The following TLN2 variants were observed in gnomAD, a reference collection of about 807,000 sequenced individuals.
TLN2 encodes the protein talin 2, also known as talin-2.
TLN2 carries 118 observed loss-of-function variants against 294.7 expected under a neutral mutation model. The observed-to-expected ratio is 0.40, with a 90% CI of 0.34 to 0.47. TLN2 has a LOEUF of 0.47. Ranked by LOEUF, TLN2 falls within the 20% of genes least tolerant of loss-of-function variation. The probability of loss-of-function intolerance (pLI) is 0.84; values close to 1 mark genes in which losing one functional copy is unlikely to be tolerated. For synonymous variants in TLN2, 1,431 were observed against 1,304.5 expected (o/e 1.10, Z -2.09); for missense variants, 3,083 against 3,282.2 (o/e 0.94, Z 1.48).
Position 62,763,701 on chromosome 15 carries a change from C to T in TLN2, c.5094+6C>T. 6.3e-7 allele frequency: 1 copy of T among 1,597,314 alleles called. No homozygotes were observed. The highest frequency in any genetic ancestry group is 1.1e-5 in the South Asian group (1 of 89,284). On this transcript the variant is annotated splice_donor_region_variant and intron_variant, in intron 40 of 58. Transcript: ENST00000636159. ...GGGACGACATCTCTGTGGAGGTAAGCTGGGAATCTGGGGGCCTGCTTAGTC... is the reference window on the plus strand; with the variant it reads ...GGGACGACATCTCTGTGGAGGTAAGTTGGGAATCTGGGGGCCTGCTTAGTC...
intron 1 of TLN2, among the ~76,000 whole-genome samples, chr15:62,477,272 C>A (rs982908190): frequency 6.6e-6 from 1 of 152,216 alleles, no homozygotes; most frequent in Non-Finnish European, 1.5e-5. Flanking sequence ...TAACAAGATA[C>A]AGGTGATGCT....
intron 37 of TLN2, among the ~76,000 whole-genome samples, chr15:62,756,359 A>C (rs974317144): frequency 2.6e-5 from 4 of 152,162 alleles, no homozygotes; most frequent in African/African-American, 9.7e-5. Flanking sequence ...TAGTACTTGT[A>C]GGTGGGCGAT....
chr15:62,795,912 CTG>C (rs1345184308), intron 46 of TLN2, among the ~76,000 whole-genome samples: 2 of 152,276 alleles, frequency 1.3e-5, no homozygotes, highest in East Asian at 3.9e-4. Context: ...GATGAGGAAA[CTG>C]AGGTTTGGAG....
intron 54 of TLN2, among the ~76,000 whole-genome samples, chr15:62,825,868 T>A (rs28477863): frequency 0.016 from 1,384 of 85,492 alleles, 24 homozygotes; most frequent in Non-Finnish European, 0.024. Flanking sequence ...ATATATATAT[T>A]TATATATATA....
chr15:62,824,828 G>A, intron 54 of TLN2, among the ~76,000 whole-genome samples: 1 of 152,210 alleles, frequency 6.6e-6, no homozygotes, highest in East Asian at 1.9e-4. Context: ...AAGTATGTGT[G>A]AGTTCATTCT....
At chr15:62,728,511 C>CA (rs1189437694) in intron 28 of TLN2, among the ~76,000 whole-genome samples, 23 of 152,166 alleles carry the variant, frequency 1.5e-4, no homozygotes, top group African/African-American at 4.8e-4. Flanking sequence ...GTGTTCAGTA[C>CA]ATTTCTTTCA....
At position 62,503,280 on chromosome 15, in the gene TLN2, G is replaced by T. The variant is rs891695421; in HGVS notation, c.-237-86407G>T. On this transcript the variant is annotated intron_variant, in intron 1 of 58. Coordinates refer to ENST00000636159, the MANE Select transcript of TLN2 (RefSeq NM_015059.3). ...CAATGCACCTACCCTCCTAGGAAGT[G>T]GCCATCAGTCCTGTGTCACCAGCAC... 2.0e-5 allele frequency among the ~76,000 whole-genome samples: 3 copies of T among 152,166 alleles called. No homozygotes were observed. The East Asian group carries it at 5.8e-4, about 29-fold the overall frequency.
At chr15:62,746,672 A>G (rs986397181) in intron 32 of TLN2, among the ~76,000 whole-genome samples, 4 of 152,216 alleles carry the variant, frequency 2.6e-5, no homozygotes, top group African/African-American at 9.6e-5. Flanking sequence ...GGCATCTTTT[A>G]TATTAGTGTT....
chr15:62,818,323 A>T (rs2067278941), intron 52 of TLN2, among the ~76,000 whole-genome samples: 1 of 152,186 alleles, frequency 6.6e-6, no homozygotes, highest in Non-Finnish European at 1.5e-5. Context: ...AACATTTCTA[A>T]ATCTGAAGAT....
chr15:62,624,368 C>T (rs2049087406), intron 3 of TLN2, among the ~76,000 whole-genome samples: 1 of 152,184 alleles, frequency 6.6e-6, no homozygotes, highest in African/African-American at 2.4e-5. Flanking sequence ...GAGTAAACCT[C>T]CACTGCCCTT....
At chr15:62,522,960 ACACACACACACACACACACT>A (rs1053271260) in intron 1 of TLN2, among the ~76,000 whole-genome samples, 3 of 139,938 alleles carry the variant, frequency 2.1e-5, no homozygotes, top group African/African-American at 9.1e-5. Flanking sequence ...ACACACACAC[ACACACACACACACACACACT>A]CTCTCACTCA....
chr15:62,598,273 C>T (rs980848441), intron 2 of TLN2, among the ~76,000 whole-genome samples: 1 of 152,148 alleles, frequency 6.6e-6, no homozygotes, highest in Non-Finnish European at 1.5e-5. Context: ...AGGCTGAGAG[C>T]GTGGTGGTCG....
intron 39 of TLN2, among the ~76,000 whole-genome samples, chr15:62,762,722 T>C (rs2062752163): frequency 6.6e-6 from 1 of 152,244 alleles, no homozygotes; most frequent in Non-Finnish European, 1.5e-5. Flanking sequence ...ATTTCCATTG[T>C]ACTGATGAAA....
chr15:62,805,471 G>T (rs1480496937), intron 50 of TLN2, 129 bp from the exon 51 acceptor site: 9 of 965,502 alleles, frequency 9.3e-6, no homozygotes, highest in African/African-American at 1.7e-5. Context: ...TTCTAATTTC[G>T]CCATGTGACA....
At chr15:62,581,307 A>G (rs1259036304) in intron 1 of TLN2, among the ~76,000 whole-genome samples, 3 of 152,192 alleles carry the variant, frequency 2.0e-5, no homozygotes, top group Admixed American at 1.3e-4. Flanking sequence ...AATTTCCTCC[A>G]TGTCTTTTCA....
In TLN2 at chr15:62,693,947, TTTTC is replaced by T. The variant is rs1161896479; in HGVS notation, c.1216-361_1216-358del. ...AGGTCCTTGTATGAAGACCTGCTGA[TTTTC>T]TTTCTTTTTTTTTTTTTTTTTTTTT... On this transcript the variant is annotated intron_variant, in intron 13 of 58. Coordinates refer to ENST00000636159, the MANE Select transcript of TLN2 (RefSeq NM_015059.3). Among the ~76,000 whole-genome samples the T allele has an allele frequency of 1.3e-4, 17 of 134,894 alleles. No homozygotes were observed. The South Asian group carries it at 2.9e-3, about 23-fold the overall frequency. 88.5% of individuals were successfully genotyped at this position (134,894 alleles called of 152,430 possible). A position where few individuals can be genotyped will look rare whatever the true frequency, so the allele number is the denominator to read the frequency against.
At position 62,681,115 on chromosome 15, in the gene TLN2, C is replaced by CA. The variant is rs201160520; in HGVS notation, c.958-5523dup. 2.4e-4 allele frequency among the ~76,000 whole-genome samples: 36 copies of CA among 152,254 alleles called. No individual in the cohort carries two copies. In the East Asian group the frequency reaches 6.7e-3, roughly 29 times the overall value. ...ATACCCAGTAGTGGGATTGCTGGAT[C>CA]AAATGGTAGATCTGCTTTTAGCTTT... On this transcript the variant is annotated intron_variant, in intron 11 of 58. Coordinates refer to ENST00000636159, the MANE Select transcript of TLN2 (RefSeq NM_015059.3).
At chr15:62,571,381 A>T (rs2043848152) in intron 1 of TLN2, among the ~76,000 whole-genome samples, 1 of 152,234 alleles carries the variant, frequency 6.6e-6, no homozygotes, top group Non-Finnish European at 1.5e-5. Flanking sequence ...TTTCTCAAGC[A>T]TGACTGCACT....
chr15:62,744,585 C>A (rs150927769), intron 32 of TLN2, among the ~76,000 whole-genome samples: 1 of 151,772 alleles, frequency 6.6e-6, no homozygotes, highest in Non-Finnish European at 1.5e-5. Context: ...TTCGCTCCGT[C>A]GCCCAGGCTG....
Sources: allele counts gnomAD v4.1 joint callset (sites outside exome capture counted in the v4.1 genomes callset), GRCh38; gene constraint gnomAD v4.1.1; transcripts MANE v1.5; gene names NCBI Gene and HGNC (gene_info 2026-07-23, HGNC 2026-07-21).